Variants in VPS13A observed in about 807,000 individuals in gnomAD.
VPS13A encodes vacuolar protein sorting 13 homolog A.
VPS13A carries 264 observed loss-of-function variants against 390.9 expected under a neutral mutation model. That is an observed-to-expected ratio of 0.68 (90% confidence interval 0.61 to 0.75). The LOEUF (loss-of-function observed/expected upper bound fraction) is 0.75, where lower values mean the gene tolerates loss of function less well. Among genes scored for constraint, VPS13A ranks in the 30% least tolerant of loss-of-function variants. VPS13A has a pLI of 0.00. For synonymous variants in VPS13A, 1,231 were observed against 1,227.1 expected (o/e 1.00, Z -0.07); for missense variants, 3,409 against 3,733.9 (o/e 0.91, Z 2.27).
Position 77,417,984 on chromosome 9 carries a change from T to C in VPS13A, c.*1978T>C, listed in dbSNP as rs1172667902. 2 of 152,184 alleles carry C rather than the reference T, an allele frequency of 1.3e-5. No homozygotes were observed. Among genetic ancestry groups the C allele is most frequent in the African/African-American group, 2.4e-5 (1 of 41,430 alleles). 9.4% of individuals were successfully genotyped at this position (152,184 alleles called of 1,614,324 possible). ...GGGACCCACAGTTTTAAGAGCTACA[T>C]CATATCATTTGTTGTTTTAGAAGAT... On this transcript the variant is annotated 3_prime_UTR_variant, in exon 72 of 72. Coordinates refer to ENST00000360280, the MANE Select transcript of VPS13A (RefSeq NM_033305.3).
At chr9:77,177,919 A>G in intron 1 of VPS13A, 115 bp downstream of exon 1, 2 of 878,426 alleles carry the variant, frequency 2.3e-6, no homozygotes, top group Non-Finnish European at 3.5e-6. Context: ...GGGTGCAGCC[A>G]CCTGCCGCCG....
rs1826657140 is a variant in VPS13A at position 77,276,181 on chromosome 9, C to T, written c.2784C>T (p.Ala928=). 6.2e-7 allele frequency: 1 copy of T among 1,609,582 alleles called. No individual in the cohort carries two copies. The highest frequency in any genetic ancestry group is 1.3e-5 in the African/African-American group (1 of 74,846). Reference sequence around the variant, plus strand: ...GAACATACGATTTGAAAGCAAATGCCTTTTTGAAAGAGTTCTGCTTAAAAT... The same window carrying T: ...GAACATACGATTTGAAAGCAAATGCTTTTTTGAAAGAGTTCTGCTTAAAAT... ...EIRTYDLKAN[A]FLKEFCLKCP... The change falls in exon 26 of 72, where the codon GCC becomes GCT. Residue 928 remains alanine (A), a synonymous_variant. Coordinates refer to ENST00000360280, the MANE Select transcript of VPS13A (RefSeq NM_033305.3).
In VPS13A at chr9:77,360,686, AGAT is replaced by A. The variant is rs750804372; in HGVS notation, c.8211+46_8211+48del. The A allele has an allele frequency of 8.1e-5, 112 of 1,388,686 alleles. 1 individual carries two copies. In the South Asian group the frequency reaches 1.3e-3, roughly 16 times the overall value. The allele number at this position is 1,388,686 out of a possible 1,614,324, so 86.0% of individuals were successfully genotyped here. ...CATTTGATGGAAAGGATTAGGGAAAAGATATTATTATAAATTTTTAAAGGTATT... is the reference window on the plus strand; with the variant it reads ...CATTTGATGGAAAGGATTAGGGAAAAATTATTATAAATTTTTAAAGGTATT... On this transcript the variant is annotated intron_variant, in intron 59 of 71. Transcript: ENST00000360280.
chr9:77,363,403 TA>T (rs57971936), intron 59 of VPS13A, among the ~76,000 whole-genome samples: 13,053 of 79,408 alleles, frequency 0.16, 1,354 homozygotes, highest in South Asian at 0.23. Context: ...TTTTTTTTTT[TA>T]TTTTTTTTTT....
chr9:77,272,122 C>T (rs1826384432), intron 23 of VPS13A, among the ~76,000 whole-genome samples: 1 of 152,010 alleles, frequency 6.6e-6, no homozygotes, highest in East Asian at 1.9e-4. Flanking sequence ...ACCAAGGAAG[C>T]TATTTGTGTT....
At chr9:77,335,842 C>A (rs1164604515) in intron 46 of VPS13A, among the ~76,000 whole-genome samples, 1 of 152,148 alleles carries the variant, frequency 6.6e-6, no homozygotes. Flanking sequence ...ACCCAGCAAT[C>A]CCATTACTGG....
chr9:77,382,678 G>C (rs1407842141), intron 68 of VPS13A: 1 of 992,142 alleles, frequency 1.0e-6, no homozygotes, highest in Non-Finnish European at 1.2e-6. Flanking sequence ...AATTACTCTT[G>C]GATTCTTGTG....
At chr9:77,283,790 T>C in intron 31 of VPS13A, 140 bp downstream of exon 31, 1 of 672,414 alleles carries the variant, frequency 1.5e-6, no homozygotes, top group South Asian at 1.9e-5. Flanking sequence ...TCAGGCATAA[T>C]TGGGTTCTTA....
At chr9:77,178,833 T>C (rs527640748) in intron 1 of VPS13A, among the ~76,000 whole-genome samples, 1 of 152,338 alleles carries the variant, frequency 6.6e-6, no homozygotes, top group South Asian at 2.1e-4. Context: ...TAAATATATA[T>C]TTAAAGTAAT....
Position 77,205,327 on chromosome 9 carries a change from A to G in VPS13A, c.202A>G (p.Ile68Val). Reference sequence around the variant, plus strand: ...AAAAAATGTAGGTAATCTTAAACTTATAATTCCATGGAAAAACCTTTATAC... The same window carrying G: ...AAAAAATGTAGGTAATCTTAAACTTGTAATTCCATGGAAAAACCTTTATAC... ...KVGHIGNLKL[I>V]IPWKNLYTQP... is the part of the protein sequence containing the mutation. The change falls in exon 4 of 72, where the codon ATA becomes GTA. Residue 68 changes from isoleucine to valine, a missense_variant. This residue lies in a region of VPS13A where 2,717 missense variants were observed against 2,917.4 expected (regional missense o/e 0.93). Transcript: ENST00000360280. 1 of 1,516,912 alleles carries G rather than the reference A, an allele frequency of 6.6e-7. No individual in the cohort carries two copies. The highest frequency in any genetic ancestry group is 8.9e-7 in the Non-Finnish European group (1 of 1,124,526). The allele number at this position is 1,516,912 out of a possible 1,614,324, so 94.0% of individuals were successfully genotyped here. A position where few individuals can be genotyped will look rare whatever the true frequency, so the allele number is the denominator to read the frequency against.
At chr9:77,380,557 G>T (rs1413210444) in intron 67 of VPS13A, among the ~76,000 whole-genome samples, 3 of 151,922 alleles carry the variant, frequency 2.0e-5, no homozygotes, top group Non-Finnish European at 2.9e-5. Context: ...TGATCCGCCC[G>T]CCTCGGGCTC....
chr9:77,294,721 T>C (rs958568013), intron 32 of VPS13A, among the ~76,000 whole-genome samples: 1 of 152,188 alleles, frequency 6.6e-6, no homozygotes, highest in Non-Finnish European at 1.5e-5. Flanking sequence ...TAAAAAAAAT[T>C]AGAGTTGGGT....
intron 31 of VPS13A, among the ~76,000 whole-genome samples, chr9:77,286,093 G>A (rs1474612920): frequency 2.0e-5 from 3 of 152,144 alleles, no homozygotes; most frequent in East Asian, 3.8e-4. Context: ...TTTCATAGGA[G>A]GCACATAGTG....
intron 17 of VPS13A, among the ~76,000 whole-genome samples, chr9:77,233,193 C>G (rs1012009289): frequency 1.3e-5 from 2 of 151,892 alleles, no homozygotes; most frequent in African/African-American, 2.4e-5. Context: ...TTTGTTGGTA[C>G]TGTTTTTTGC....
intron 1 of VPS13A, among the ~76,000 whole-genome samples, chr9:77,184,058 G>GT (rs886919704): frequency 7.9e-5 from 12 of 152,074 alleles, no homozygotes; most frequent in Non-Finnish European, 1.8e-4. Flanking sequence ...TATTTGCTTA[G>GT]TTTTTTTCCT....
At chr9:77,357,003 G>A (rs1327221789) in intron 55 of VPS13A, 136 bp downstream of exon 55, 4 of 996,900 alleles carry the variant, frequency 4.0e-6, no homozygotes, top group Non-Finnish European at 4.5e-6. Context: ...TGTATAAAAT[G>A]TTTTAAAGAG....
In VPS13A at chr9:77,315,259, A is replaced by G. The variant is rs749675079; in HGVS notation, c.4419A>G (p.Ile1473Met). 2 of 1,613,818 alleles carry G rather than the reference A, an allele frequency of 1.2e-6. No homozygotes were observed. The highest frequency in any genetic ancestry group is 1.1e-5 in the South Asian group (1 of 91,078). The change falls in exon 38 of 72, where the codon ATA becomes ATG. Residue 1473 changes from isoleucine (I) to methionine (M), a missense_variant. By Grantham distance (10) the Ile-to-Met change is conservative. Coordinates refer to ENST00000360280, the MANE Select transcript of VPS13A (RefSeq NM_033305.3). ...PHVKKATPRM[I>M]GLTVGFDKKD... ...TTGTTATTGTGTTTTCCAGAATGATAGGACTGACAGTTGGTTTTGACAAAA... is the reference window on the plus strand; with the variant it reads ...TTGTTATTGTGTTTTCCAGAATGATGGGACTGACAGTTGGTTTTGACAAAA...
At chr9:77,186,212 C>T (rs1057040599) in intron 1 of VPS13A, among the ~76,000 whole-genome samples, 1 of 152,164 alleles carries the variant, frequency 6.6e-6, no homozygotes, top group Admixed American at 6.5e-5. Context: ...ATACAGATTC[C>T]TCCCTTCTGC....
At chr9:77,307,847 AAC>A in intron 34 of VPS13A, 96 bp from the exon 35 acceptor site, 1 of 989,720 alleles carries the variant, frequency 1.0e-6, no homozygotes. Flanking sequence ...AGAGGATTGA[AAC>A]AGTCTTTCAT....
Sources: allele counts gnomAD v4.1 joint callset (sites outside exome capture counted in the v4.1 genomes callset), GRCh38; gene constraint gnomAD v4.1.1; regional missense constraint gnomAD v4.1.1; transcripts MANE v1.5; gene names NCBI Gene and HGNC (gene_info 2026-07-23, HGNC 2026-07-21).